Variants in TMEM45A observed in about 807,000 individuals in gnomAD.
TMEM45A encodes transmembrane protein 45A.
A neutral mutation model predicts 32.0 loss-of-function variants in TMEM45A; 25 were observed. The observed-to-expected ratio is 0.78, with a 90% CI of 0.57 to 1.09. The LOEUF (loss-of-function observed/expected upper bound fraction) is 1.09. Ranked by LOEUF, TMEM45A falls within the 50% of genes least tolerant of loss-of-function variation. TMEM45A has a pLI of 0.00. For missense variants in TMEM45A, 302 were observed against 325.0 expected (o/e 0.93, Z 0.54); for synonymous variants, 122 against 114.8 (o/e 1.06, Z -0.40).
chr3:100,555,327 A>C lies in TMEM45A; in HGVS notation c.116A>C (p.Tyr39Ser), dbSNP rs371234076. The C allele has an allele frequency of 1.2e-6, 2 of 1,614,082 alleles. No homozygotes were observed. Among genetic ancestry groups the C allele is most frequent in the Non-Finnish European group, 1.7e-6 (2 of 1,179,982 alleles). ...YICKKQKRTCYLGSKTLFYRL... is the reference protein window; with the variant it reads ...YICKKQKRTCSLGSKTLFYRL... Reference sequence around the variant, plus strand: ...TGCAAAAAGCAAAAGCGAACCTGCTATCTTGGTTCCAAAACATTATTCTAT... The same window carrying C: ...TGCAAAAAGCAAAAGCGAACCTGCTCTCTTGGTTCCAAAACATTATTCTAT... Residue 39 changes from tyrosine to serine, a missense_variant, in exon 2 of 6, where the codon TAT (tyrosine) becomes TCT (serine). Physicochemically the swap from Tyr to Ser is moderately radical, Grantham distance 144. Coordinates refer to ENST00000323523, the MANE Select transcript of TMEM45A (RefSeq NM_018004.3).
chr3:100,493,710 A>G (rs1428665173), intron 1 of TMEM45A, among the ~76,000 whole-genome samples: 1 of 151,876 alleles, frequency 6.6e-6, no homozygotes, highest in Admixed American at 6.6e-5. Context: ...TATATACGCT[A>G]TATATTTTGT....
At chr3:100,524,304 A>G (rs1413431685) in intron 1 of TMEM45A, among the ~76,000 whole-genome samples, 1 of 152,268 alleles carries the variant, frequency 6.6e-6, no homozygotes, top group South Asian at 2.1e-4. Context: ...CGTGGTTCTC[A>G]TAATACCTCT....
At chr3:100,575,715 C>A (rs1317526058) in intron 5 of TMEM45A, among the ~76,000 whole-genome samples, 1 of 152,132 alleles carries the variant, frequency 6.6e-6, no homozygotes, top group African/African-American at 2.4e-5. Context: ...ATGGAGGGTA[C>A]TTCTTTGAGC....
At chr3:100,536,327 T>A (rs1354335920) in intron 1 of TMEM45A, among the ~76,000 whole-genome samples, 1 of 152,192 alleles carries the variant, frequency 6.6e-6, no homozygotes, top group African/African-American at 2.4e-5. Flanking sequence ...AGGTGGCCCA[T>A]GAGAGTCTGT....
chr3:100,558,517 T>C lies in TMEM45A; in HGVS notation c.516T>C (p.Leu172=). ...LTGLVAFLEF[L]VRNNVLLELL... ...GCCTCGTTGCCTTCCTAGAGTTCCT[T>C]GTTCGGAACAATGTACTTCTGGAGC... Residue 172 remains leucine, a synonymous_variant, in exon 4 of 6, where the codon CTT becomes CTC. Coordinates refer to ENST00000323523, the MANE Select transcript of TMEM45A (RefSeq NM_018004.3). 2 of 1,614,190 alleles carry C rather than the reference T, an allele frequency of 1.2e-6. No homozygotes were observed. Among genetic ancestry groups the C allele is most frequent in the Non-Finnish European group, 1.7e-6 (2 of 1,180,020 alleles).
intron 5 of TMEM45A, chr3:100,573,930 T>C (rs1210338875): frequency 6.6e-6 from 1 of 152,240 alleles, no homozygotes; most frequent in African/African-American, 2.4e-5. Flanking sequence ...GAACCAGCCT[T>C]GCATCCCAGG....
At chr3:100,571,998 G>A (rs1186228634) in intron 5 of TMEM45A, 4 of 152,086 alleles carry the variant, frequency 2.6e-5, no homozygotes, top group South Asian at 2.1e-4. Flanking sequence ...CCAATCTATC[G>A]TTGTTGGACA....
At chr3:100,532,874 C>G (rs1217706736) in intron 1 of TMEM45A, among the ~76,000 whole-genome samples, 1 of 152,174 alleles carries the variant, frequency 6.6e-6, no homozygotes, top group Non-Finnish European at 1.5e-5. Context: ...GGATGCTATG[C>G]AGCTCCTAGA....
At chr3:100,556,133 A>G (rs1706217205) in intron 2 of TMEM45A, among the ~76,000 whole-genome samples, 1 of 152,060 alleles carries the variant, frequency 6.6e-6, no homozygotes, top group Non-Finnish European at 1.5e-5. Flanking sequence ...AGCACCTACC[A>G]CCACACCCGG....
intron 5 of TMEM45A, chr3:100,574,152 T>C (rs1332249288): frequency 6.6e-6 from 1 of 152,194 alleles, no homozygotes; most frequent in Non-Finnish European, 1.5e-5. Flanking sequence ...TTCTATTGAT[T>C]GGAATAGTTT....
chr3:100,564,222 G>C (rs1018505118), intron 4 of TMEM45A, among the ~76,000 whole-genome samples: 5 of 152,158 alleles, frequency 3.3e-5, no homozygotes, highest in Admixed American at 2.6e-4. Flanking sequence ...CTCTGACATT[G>C]GTTGACAAAT....
chr3:100,564,890 C>T (rs181219807), intron 4 of TMEM45A, among the ~76,000 whole-genome samples: 2 of 152,352 alleles, frequency 1.3e-5, no homozygotes, highest in Admixed American at 1.3e-4. Context: ...AATATAGTGC[C>T]ATGTCCTCGT....
intron 1 of TMEM45A, among the ~76,000 whole-genome samples, chr3:100,528,639 T>C (rs1239947599): frequency 2.6e-5 from 4 of 152,196 alleles, no homozygotes; most frequent in Non-Finnish European, 5.9e-5. Context: ...TTGTCTAAAT[T>C]TGAATTTAAA....
At position 100,556,742 on chromosome 3, in the gene TMEM45A, T is replaced by G; in HGVS notation, c.191-18T>G. 1.2e-6 allele frequency: 2 copies of G among 1,603,464 alleles called. No homozygotes were observed. Among genetic ancestry groups the G allele is most frequent in the South Asian group, 1.1e-5 (1 of 90,114 alleles). Reference sequence around the variant, plus strand: ...ATGTAAAGCAGAGTTGCTAAAACTGTGATATGTTTCTTGGCAGGCATGGCT... The same window carrying G: ...ATGTAAAGCAGAGTTGCTAAAACTGGGATATGTTTCTTGGCAGGCATGGCT... On this transcript the variant is annotated intron_variant, in intron 2 of 5. Transcript: ENST00000323523.
chr3:100,528,527 A>C (rs746165066), intron 1 of TMEM45A, among the ~76,000 whole-genome samples: 7 of 152,172 alleles, frequency 4.6e-5, no homozygotes, highest in Non-Finnish European at 8.8e-5. Flanking sequence ...AGGAGGCAGG[A>C]TGGAAGGAGA....
At chr3:100,496,577 GA>G (rs958672938) in intron 1 of TMEM45A, among the ~76,000 whole-genome samples, 1 of 152,254 alleles carries the variant, frequency 6.6e-6, no homozygotes, top group African/African-American at 2.4e-5. Flanking sequence ...GATCATTGGA[GA>G]AAGGGCATAT....
intron 1 of TMEM45A, among the ~76,000 whole-genome samples, chr3:100,511,407 A>C (rs1708157757): frequency 6.6e-6 from 1 of 151,014 alleles, no homozygotes; most frequent in Non-Finnish European, 1.5e-5. Flanking sequence ...AAAATCCTTT[A>C]CAGACAAGCA....
intron 2 of TMEM45A, among the ~76,000 whole-genome samples, chr3:100,555,806 T>C (rs1353758021): frequency 6.6e-6 from 1 of 152,214 alleles, no homozygotes; most frequent in Non-Finnish European, 1.5e-5. Context: ...ATTAGATTTC[T>C]TCATGCTTTA....
In TMEM45A at chr3:100,519,532, G is replaced by T. The variant is rs1329777358; in HGVS notation, c.-4+26604G>T. The T allele has an allele frequency of 1.9e-6, 3 of 1,550,360 alleles. No homozygotes were observed. The African/African-American group carries it at 4.1e-5, about 21-fold the overall frequency. On this transcript the variant is annotated intron_variant, in intron 1 of 5. Coordinates refer to ENST00000323523, the MANE Select transcript of TMEM45A (RefSeq NM_018004.3). ...CTTCATTCTTATCTCTTCTGCCACA[G>T]TTCTAACGTGCCTGATCTACTGAGA...
Sources: gnomAD v4.1 joint callset for allele counts (sites outside exome capture counted in the v4.1 genomes callset) on GRCh38, gnomAD v4.1.1 for gene constraint, MANE v1.5 for transcripts, NCBI Gene and HGNC (gene_info 2026-07-23, HGNC 2026-07-21) for gene names.